Variants in FRMD3 observed in about 807,000 individuals in gnomAD.
The protein encoded by FRMD3 is FERM domain-containing protein 3.
Under a neutral mutation model 70.2 loss-of-function variants are expected in FRMD3, and 33 were observed. That is an observed-to-expected ratio of 0.47 (90% CI 0.36 to 0.63). The LOEUF (loss-of-function observed/expected upper bound fraction) is 0.63. FRMD3 is among the 20% of genes least tolerant of loss of function. FRMD3 has a pLI of 0.00. For missense variants in FRMD3, 632 were observed against 711.4 expected (o/e 0.89, Z 1.27); for synonymous variants, 279 against 255.9 (o/e 1.09, Z -0.86).
rs560111553 is a variant in FRMD3, at chr9:83,315,063, A to T, written c.597-1316T>A. On this transcript the variant is annotated intron_variant, in intron 6 of 13. Transcript: ENST00000304195. ...TCTGTCATTGATATGTTTTTTTTTT[A>T]AATATCAATGAAATATTTCATTTCC... 1.9e-3 allele frequency among the ~76,000 whole-genome samples: 293 copies of T among 151,450 alleles called. 1 individual carries two copies. Among genetic ancestry groups the T allele is most frequent in the South Asian group, 2.3e-3 (11 of 4,804 alleles).
chr9:83,512,310 A>T (rs1428185533), intron 1 of FRMD3, among the ~76,000 whole-genome samples: 1 of 152,222 alleles, frequency 6.6e-6, no homozygotes, highest in Non-Finnish European at 1.5e-5. Context: ...GGGGTGCAGG[A>T]ACATCCCTGC....
At chr9:83,514,438 T>A (rs542202124) in intron 1 of FRMD3, among the ~76,000 whole-genome samples, 1 of 152,278 alleles carries the variant, frequency 6.6e-6, no homozygotes, top group Admixed American at 6.5e-5. Flanking sequence ...GCAGGCCATC[T>A]CTGAAAGAAA....
chr9:83,399,067 C>G (rs968247967), intron 1 of FRMD3, among the ~76,000 whole-genome samples: 9 of 152,134 alleles, frequency 5.9e-5, no homozygotes, highest in African/African-American at 1.9e-4. Flanking sequence ...AACATCACAG[C>G]AAGAGGCTTA....
rs189283524 is a variant in FRMD3 at position 83,340,851 on chromosome 9, C to G, written c.472+2339G>C. 2.9e-4 allele frequency among the ~76,000 whole-genome samples: 44 copies of G among 152,296 alleles called. 1 individual carries two copies. The highest frequency in any genetic ancestry group is 2.0e-3 in the Admixed American group (31 of 15,298). Reference sequence around the variant, plus strand: ...CCTCAAGAAATCCTCCTGCCTCAGCCTCCCAAGTAGCTGGAATTACAGGTG... The same window carrying G: ...CCTCAAGAAATCCTCCTGCCTCAGCGTCCCAAGTAGCTGGAATTACAGGTG... On this transcript the variant is annotated intron_variant, in intron 5 of 13. Coordinates refer to ENST00000304195, the MANE Select transcript of FRMD3 (RefSeq NM_174938.6).
In FRMD3 at chr9:83,424,303, T is replaced by C. The variant is rs190938541; in HGVS notation, c.148-34595A>G. ...CTATAAAACAGTGAATGTTAGACGA[T>C]ACAGAATCACTTTCCCTTGTCTACC... On this transcript the variant is annotated intron_variant, in intron 1 of 13. Coordinates refer to ENST00000304195, the MANE Select transcript of FRMD3 (RefSeq NM_174938.6). Among the ~76,000 whole-genome samples the C allele has an allele frequency of 2.6e-5, 4 of 152,330 alleles. No individual in the cohort carries two copies. The East Asian group carries it at 7.7e-4, about 29-fold the overall frequency.
At chr9:83,276,695 C>CT (rs1458719719) in intron 13 of FRMD3, 2 of 152,206 alleles carry the variant, frequency 1.3e-5, no homozygotes, top group African/African-American at 4.8e-5. Context: ...TAGGTTTTGT[C>CT]TTTCAAATTA....
chr9:83,358,032 T>A (rs953653709), intron 3 of FRMD3, among the ~76,000 whole-genome samples: 2 of 152,198 alleles, frequency 1.3e-5, no homozygotes, highest in African/African-American at 2.4e-5. Context: ...TCCCATGTTA[T>A]CCAATGCTAC....
chr9:83,296,395 A>G (rs1468246988), intron 12 of FRMD3, among the ~76,000 whole-genome samples: 2 of 152,220 alleles, frequency 1.3e-5, no homozygotes, highest in Admixed American at 6.5e-5. Context: ...TAGCTCATGC[A>G]TTCATTCAAC....
intron 1 of FRMD3, among the ~76,000 whole-genome samples, chr9:83,515,469 T>G (rs7042568): frequency 1.3e-5 from 2 of 151,978 alleles, no homozygotes; most frequent in Non-Finnish European, 2.9e-5. Flanking sequence ...TCTGGGACTA[T>G]GTGAAAAGAC....
At position 83,351,323 on chromosome 9, in the gene FRMD3, TAC is replaced by T. The variant is rs56407249; in HGVS notation, c.296-1568_296-1567del. 1.9e-3 allele frequency among the ~76,000 whole-genome samples: 271 copies of T among 143,808 alleles called. 1 individual carries two copies. Among genetic ancestry groups the T allele is most frequent in the Admixed American group, 2.7e-3 (39 of 14,314 alleles). 94.3% of individuals were successfully genotyped at this position (143,808 alleles called of 152,430 possible). On this transcript the variant is annotated intron_variant, in intron 3 of 13. Transcript: ENST00000304195. ...GATCTCAGCAGAGAAAAACTGATCATACACACACACACACACACACACACACA... is the reference window on the plus strand; with the variant it reads ...GATCTCAGCAGAGAAAAACTGATCATACACACACACACACACACACACACA...
At chr9:83,343,338 A>T in intron 4 of FRMD3, 51 bp from the exon 5 acceptor site, 1 of 1,277,026 alleles carries the variant, frequency 7.8e-7, no homozygotes, top group Non-Finnish European at 1.1e-6. Flanking sequence ...TGAAGTCTGG[A>T]AGAAGTAGGA....
intron 13 of FRMD3, among the ~76,000 whole-genome samples, chr9:83,260,283 C>T (rs1345477026): frequency 6.6e-6 from 1 of 152,138 alleles, no homozygotes; most frequent in African/African-American, 2.4e-5. Context: ...AAGTTAAGGT[C>T]ACAAAATTAG....
intron 10 of FRMD3, among the ~76,000 whole-genome samples, chr9:83,308,653 G>T (rs1185184883): frequency 2.0e-5 from 3 of 152,170 alleles, no homozygotes; most frequent in Non-Finnish European, 4.4e-5. Flanking sequence ...GTAACTCCAT[G>T]CACAGATCTC....
At chr9:83,376,347 A>G (rs1288885690) in intron 2 of FRMD3, among the ~76,000 whole-genome samples, 1 of 152,084 alleles carries the variant, frequency 6.6e-6, no homozygotes. Flanking sequence ...GGGTAAATAG[A>G]CTGTGATCTG....
At chr9:83,383,791 T>C (rs549844160) in intron 2 of FRMD3, among the ~76,000 whole-genome samples, 1 of 152,358 alleles carries the variant, frequency 6.6e-6, no homozygotes, top group South Asian at 2.1e-4. Flanking sequence ...CCAGGTCATG[T>C]GTTTGCCCCT....
At chr9:83,491,244 T>C (rs917072651) in intron 1 of FRMD3, among the ~76,000 whole-genome samples, 1 of 152,170 alleles carries the variant, frequency 6.6e-6, no homozygotes, top group African/African-American at 2.4e-5. Context: ...ACTCAGTAAT[T>C]CGTTTTCTGT....
At chr9:83,313,036 T>C (rs890566085) in intron 7 of FRMD3, among the ~76,000 whole-genome samples, 1 of 152,208 alleles carries the variant, frequency 6.6e-6, no homozygotes. Context: ...GTCTAATATA[T>C]GGAAAGAAGA....
intron 2 of FRMD3, among the ~76,000 whole-genome samples, chr9:83,377,155 A>C (rs989133625): frequency 6.6e-6 from 1 of 152,204 alleles, no homozygotes; most frequent in Non-Finnish European, 1.5e-5. Context: ...AAATTGGGAA[A>C]GTTTGGGAGG....
chr9:83,563,436 A>C, the FRMD3 span, among the ~76,000 whole-genome samples: 1 of 152,184 alleles, frequency 6.6e-6, no homozygotes, highest in Non-Finnish European at 1.5e-5. Flanking sequence ...GGGTTAGCCT[A>C]GTCCCTGGGC....
Sources: gnomAD v4.1 joint callset for allele counts (sites outside exome capture counted in the v4.1 genomes callset) on GRCh38, gnomAD v4.1.1 for gene constraint, MANE v1.5 for transcripts, NCBI Gene and HGNC (gene_info 2026-07-23, HGNC 2026-07-21) for gene names.